The following DLG1 variants were observed in gnomAD, a reference collection of about 807,000 sequenced individuals.
DLG1 encodes the protein discs large MAGUK scaffold protein 1, also known as disks large homolog 1.
In DLG1, 42 loss-of-function variants were observed where a neutral mutation model predicts 123.4. The observed-to-expected ratio is 0.34, with a 90% confidence interval of 0.27 to 0.44. The LOEUF (loss-of-function observed/expected upper bound fraction) is 0.44. Ranked by LOEUF, DLG1 falls within the 20% of genes least tolerant of loss-of-function variation. The pLI, the probability that DLG1 is intolerant of heterozygous loss-of-function variation, is 1.00. For synonymous variants in DLG1, 317 were observed against 356.2 expected (o/e 0.89, Z 1.24); for missense variants, 942 against 1,082.6 (o/e 0.87, Z 1.82).
chr3:197,211,670 G>A (rs916734925), intron 4 of DLG1, among the ~76,000 whole-genome samples: 1 of 146,518 alleles, frequency 6.8e-6, no homozygotes, highest in Non-Finnish European at 1.5e-5. Flanking sequence ...GTACAAATGG[G>A]TTCAACCATT....
chr3:197,066,833 C>T, intron 19 of DLG1, 79 bp from the exon 20 acceptor site: 2 of 943,878 alleles, frequency 2.1e-6, no homozygotes, highest in East Asian at 2.5e-5. Flanking sequence ...ACAACATATA[C>T]ATTACTAGAA....
intron 4 of DLG1, among the ~76,000 whole-genome samples, chr3:197,206,894 G>C (rs544750383): frequency 5.9e-5 from 9 of 152,140 alleles, no homozygotes; most frequent in Non-Finnish European, 1.3e-4. Flanking sequence ...TTTCAGTTAG[G>C]TATCCAGGTA....
At chr3:197,280,674 G>A (rs981590150) in intron 4 of DLG1, among the ~76,000 whole-genome samples, 1 of 152,116 alleles carries the variant, frequency 6.6e-6, no homozygotes, top group Non-Finnish European at 1.5e-5. Context: ...AGTAAATCGA[G>A]TATAAGAATT....
intron 5 of DLG1, among the ~76,000 whole-genome samples, chr3:197,177,072 G>A (rs1290747075): frequency 6.6e-6 from 1 of 152,006 alleles, no homozygotes; most frequent in Non-Finnish European, 1.5e-5. Flanking sequence ...TAGGTGCACT[G>A]TAAAAGTTTC....
chr3:197,109,236 T>TG (rs555917746), intron 13 of DLG1, among the ~76,000 whole-genome samples: 1 of 152,182 alleles, frequency 6.6e-6, no homozygotes, highest in African/African-American at 2.4e-5. Context: ...CCAGGTGTAG[T>TG]GGTGCATACC....
intron 4 of DLG1, among the ~76,000 whole-genome samples, chr3:197,203,359 A>G (rs1421434776): frequency 6.6e-6 from 1 of 152,236 alleles, no homozygotes; most frequent in African/African-American, 2.4e-5. Context: ...AAACAGTTCC[A>G]AAATCAAAAT....
At position 197,090,920 on chromosome 3, in the gene DLG1, G is replaced by C; in HGVS notation, c.1653C>G (p.Leu551=). ...GSLRTSQKRS[L]YVRALFDYDK... ...GAAGTAAAAAAATTTACCTGACATA[G>C]AGGGATCGCTTCTGGCTAGTTCGAA... The change falls in exon 15 of 25, where the codon CTC becomes CTG. Residue 551 remains leucine, a synonymous_variant. Transcript: ENST00000667157. 1.9e-6 allele frequency: 3 copies of C among 1,598,712 alleles called. No individual in the cohort carries two copies. Among genetic ancestry groups the C allele is most frequent in the Non-Finnish European group, 2.6e-6 (3 of 1,168,972 alleles).
intron 1 of DLG1, 135 bp downstream of exon 1, chr3:197,298,401 G>T: frequency 2.5e-6 from 1 of 398,430 alleles, no homozygotes; most frequent in South Asian, 1.3e-4. Context: ...GGTGGCCCTG[G>T]AGGAGCCCGC....
chr3:197,228,681 C>G lies in DLG1; in HGVS notation c.319-34092G>C, dbSNP rs549074661. Among the ~76,000 whole-genome samples the G allele has an allele frequency of 5.9e-5, 9 of 152,288 alleles. No homozygotes were observed. The East Asian group carries it at 1.5e-3, about 26-fold the overall frequency. On this transcript the variant is annotated intron_variant, in intron 4 of 24. Coordinates refer to ENST00000667157, the MANE Select transcript of DLG1 (RefSeq NM_001366207.1). The stretch of plus-strand genomic sequence containing the variant: ...GACTATTTTGAAACTCTGAGTGGAT[C>G]TGATAGATTTGCACTAAAGTGTCTT...
chr3:197,081,064 G>A lies in DLG1; in HGVS notation c.1892C>T (p.Thr631Met), dbSNP rs945330889. The A allele has an allele frequency of 2.2e-5, 35 of 1,612,850 alleles. No individual in the cohort carries two copies. The highest frequency in any genetic ancestry group is 2.8e-5 in the Non-Finnish European group (33 of 1,179,416). ...RLKTVKFNSKTRDKGQSFNDK... is the reference protein window; with the variant it reads ...RLKTVKFNSKMRDKGQSFNDK... ...TCAAATACTCACCCCTTTATCTCTC[G>A]TTTTAGAATTGAATTTCACTGTTTT... is the stretch of plus-strand genomic sequence containing the variant. Residue 631 changes from threonine to methionine, a missense_variant, in exon 17 of 25, where the codon ACG (threonine) becomes ATG (methionine). Thr to Met is a moderately conservative substitution (Grantham distance 81, BLOSUM62 -1). Coordinates refer to ENST00000667157, the MANE Select transcript of DLG1 (RefSeq NM_001366207.1).
intron 4 of DLG1, among the ~76,000 whole-genome samples, chr3:197,237,253 G>T (rs992886389): frequency 1.3e-5 from 2 of 152,218 alleles, no homozygotes; most frequent in Admixed American, 1.3e-4. Flanking sequence ...GAGGGTGGCA[G>T]ACTAGCTAGG....
At chr3:197,058,971 G>T (rs1733859692) in intron 23 of DLG1, among the ~76,000 whole-genome samples, 1 of 152,190 alleles carries the variant, frequency 6.6e-6, no homozygotes, top group South Asian at 2.1e-4. Context: ...TGCCGCCCAG[G>T]CTGGAGTGCA....
At chr3:197,114,373 C>T (rs771124296) in intron 13 of DLG1, among the ~76,000 whole-genome samples, 10 of 152,160 alleles carry the variant, frequency 6.6e-5, no homozygotes, top group Non-Finnish European at 1.3e-4. Context: ...AAGTCACCTA[C>T]GAACAAGACA....
At chr3:197,124,539 G>A (rs955834296) in intron 11 of DLG1, among the ~76,000 whole-genome samples, 31 of 152,082 alleles carry the variant, frequency 2.0e-4, no homozygotes, top group African/African-American at 7.2e-4. Flanking sequence ...CTCACAAAGT[G>A]CTGGGATTAC....
rs1775061623 is a variant in DLG1 at position 197,119,398 on chromosome 3, T to A, written c.1286+12A>T. 4 of 1,581,936 alleles carry A rather than the reference T, an allele frequency of 2.5e-6. 1 individual carries two copies. The Middle Eastern group carries it at 5.1e-4, about 201-fold the overall frequency. ...GATTTTATGTAAGAAGGATAAATGT[T>A]AACTTCCTTACCTTGTAATTTCATC... On this transcript the variant is annotated intron_variant, in intron 12 of 24. Transcript: ENST00000667157.
intron 14 of DLG1, among the ~76,000 whole-genome samples, chr3:197,103,876 C>T (rs1461978764): frequency 3.3e-5 from 5 of 151,896 alleles, no homozygotes; most frequent in Admixed American, 1.3e-4. Context: ...AACAAATATG[C>T]TATGTATTCT....
rs756369034 is a variant in DLG1 at position 197,188,912 on chromosome 3, C to G, written c.483+5513G>C. Among the ~76,000 whole-genome samples, 3 of 152,124 alleles carry G rather than the reference C, an allele frequency of 2.0e-5. 1 individual carries two copies. Among genetic ancestry groups the G allele is most frequent in the Admixed American group, 2.0e-4 (3 of 15,282 alleles). On this transcript the variant is annotated intron_variant, in intron 5 of 24. Coordinates refer to ENST00000667157, the MANE Select transcript of DLG1 (RefSeq NM_001366207.1). ...TTTTCTAACAAAAAGTTAAAGGAAC[C>G]CTACCTACTCTGCTATAATGCTCAC...
At chr3:197,287,169 C>G (rs1336205994) in intron 3 of DLG1, among the ~76,000 whole-genome samples, 1 of 152,026 alleles carries the variant, frequency 6.6e-6, no homozygotes, top group African/African-American at 2.4e-5. Context: ...CCACACATGG[C>G]CTACAAGATG....
intron 23 of DLG1, among the ~76,000 whole-genome samples, chr3:197,058,873 A>C (rs1432667439): frequency 6.6e-6 from 1 of 152,228 alleles, no homozygotes; most frequent in Non-Finnish European, 1.5e-5. Context: ...AAGTGCAAAC[A>C]AATGTACGAA....
Sources: gnomAD v4.1 joint callset for allele counts (sites outside exome capture counted in the v4.1 genomes callset) on GRCh38, gnomAD v4.1.1 for gene constraint, MANE v1.5 for transcripts, NCBI Gene and HGNC (gene_info 2026-07-23, HGNC 2026-07-21) for gene names.